Variants in CHL1 observed in about 807,000 individuals in gnomAD.
CHL1 encodes the protein neural cell adhesion molecule L1-like protein.
CHL1 carries 96 observed loss-of-function variants against 141.9 expected under a neutral mutation model. The observed-to-expected ratio is 0.68, with a 90% CI of 0.57 to 0.80. The LOEUF (loss-of-function observed/expected upper bound fraction) is 0.80. CHL1 is among the 30% of genes least tolerant of loss of function. The probability of loss-of-function intolerance (pLI) is 0.00; values close to 1 mark genes in which losing one functional copy is unlikely to be tolerated. For missense variants in CHL1, 1,820 were observed against 1,457.2 expected (o/e 1.25, Z -4.05); for synonymous variants, 613 against 502.2 (o/e 1.22, Z -2.95).
Position 203,530 on chromosome 3 carries a change from G to A in CHL1, c.-175+6467G>A, listed in dbSNP as rs896038636. ...GAGGTAATTAAGGGACCTTAAAGAC[G>A]GGCCCACATCTCTTTGGATGGGATT... On this transcript the variant is annotated intron_variant, in intron 1 of 27. Coordinates refer to ENST00000256509, the MANE Select transcript of CHL1 (RefSeq NM_006614.4). Among the ~76,000 whole-genome samples, 7 of 152,176 alleles carry A rather than the reference G, an allele frequency of 4.6e-5. No individual in the cohort carries two copies. The East Asian group carries it at 7.7e-4, about 17-fold the overall frequency.
At chr3:229,370 G>A (rs549740638) in intron 1 of CHL1, among the ~76,000 whole-genome samples, 12 of 152,204 alleles carry the variant, frequency 7.9e-5, no homozygotes, top group South Asian at 4.2e-4. Context: ...CCATGCCCCC[G>A]TTGATAAGTT....
Position 406,401 on chromosome 3 carries a change from T to G in CHL1, c.*690T>G, listed in dbSNP as rs375706605. 1.2e-3 allele frequency: 1 copy of G among 834 alleles called. No homozygotes were observed. The highest frequency in any genetic ancestry group is 1.3e-3 in the African/African-American group (1 of 792). The allele number at this position is 834 out of a possible 1,614,324, so 0.1% of individuals were successfully genotyped here. ...CCACAAGCATCACTTTTTGTGTCTGTTTTTTTTTTTTTTCTTGGACTAAAT... is the reference window on the plus strand; with the variant it reads ...CCACAAGCATCACTTTTTGTGTCTGGTTTTTTTTTTTTTCTTGGACTAAAT... On this transcript the variant is annotated 3_prime_UTR_variant, in exon 28 of 28. Transcript: ENST00000256509.
intron 1 of CHL1, among the ~76,000 whole-genome samples, chr3:203,172 C>A (rs1699105935): frequency 6.6e-6 from 1 of 152,212 alleles, no homozygotes; most frequent in African/African-American, 2.4e-5. Flanking sequence ...TAAGAAGAGG[C>A]ACCATAGTCT....
intron 2 of CHL1, among the ~76,000 whole-genome samples, chr3:295,765 G>A (rs985597279): frequency 1.1e-4 from 16 of 152,260 alleles, no homozygotes; most frequent in African/African-American, 3.4e-4. Context: ...AATGGCTGTG[G>A]CTTTTCTTTT....
rs567178932 is a variant in CHL1 at position 387,800 on chromosome 3, CA to C, written c.2248-1450del. Reference sequence around the variant, plus strand: ...ACTTTCCAATGAATCCAAGTATTAACAAGGTCTGCAGAAAATCTCAGAAAGT... The same window carrying C: ...ACTTTCCAATGAATCCAAGTATTAACAGGTCTGCAGAAAATCTCAGAAAGT... On this transcript the variant is annotated intron_variant, in intron 19 of 27. Transcript: ENST00000256509. 2.6e-5 allele frequency among the ~76,000 whole-genome samples: 4 copies of C among 152,284 alleles called. No homozygotes were observed. The South Asian group carries it at 8.3e-4, about 32-fold the overall frequency.
At chr3:239,097 T>G (rs1177812109) in intron 1 of CHL1, among the ~76,000 whole-genome samples, 1 of 152,068 alleles carries the variant, frequency 6.6e-6, no homozygotes, top group Non-Finnish European at 1.5e-5. Context: ...GAGTGGGGAC[T>G]GTCAAGTAGG....
chr3:265,535 T>C (rs989139705), intron 2 of CHL1, among the ~76,000 whole-genome samples: 6 of 152,202 alleles, frequency 3.9e-5, no homozygotes, highest in Non-Finnish European at 8.8e-5. Context: ...ATTTCTGAGC[T>C]GAAATTCCAA....
chr3:328,834 G>T (rs73817621), intron 5 of CHL1, among the ~76,000 whole-genome samples: 3,248 of 152,136 alleles, frequency 0.021, 111 homozygotes, highest in African/African-American at 0.075. Context: ...AAGAGTCTGG[G>T]ACGAAACATG....
chr3:264,832 G>A (rs1695023736), intron 2 of CHL1, among the ~76,000 whole-genome samples: 1 of 152,206 alleles, frequency 6.6e-6, no homozygotes, highest in South Asian at 2.1e-4. Flanking sequence ...TAGTGAATTA[G>A]ACATCTACAA....
rs376222003 is a variant in CHL1 at position 242,561 on chromosome 3, A to C, written c.-174-2052A>C. Among the ~76,000 whole-genome samples the C allele has an allele frequency of 3.2e-3, 483 of 152,100 alleles. 2 individuals are homozygous for C. Among genetic ancestry groups the C allele is most frequent in the African/African-American group, 8.2e-3 (342 of 41,482 alleles). On this transcript the variant is annotated intron_variant, in intron 1 of 27. Coordinates refer to ENST00000256509, the MANE Select transcript of CHL1 (RefSeq NM_006614.4). ...CAGTGAGCCGAGATTGTGCCACTGC[A>C]CTCCAGCCTGGGTAACAGAGTGGGA... is the stretch of plus-strand genomic sequence containing the variant.
rs1708257114 is a variant in CHL1, at chr3:391,877, C to T, written c.2914+80C>T. 3.6e-6 allele frequency: 4 copies of T among 1,118,308 alleles called. No individual in the cohort carries two copies. In the South Asian group the frequency reaches 4.7e-5, roughly 13 times the overall value. 69.3% of individuals were successfully genotyped at this position (1,118,308 alleles called of 1,614,324 possible). On this transcript the variant is annotated intron_variant, in intron 23 of 27. Transcript: ENST00000256509. ...ATATTCTCTGTGCTATGTTGGGAGT[C>T]TAATGATCACTTAAGGCCATGGTTT... is the stretch of plus-strand genomic sequence containing the variant.
chr3:213,585 A>T (rs1303443945), intron 1 of CHL1: 1 of 152,192 alleles, frequency 6.6e-6, no homozygotes, highest in African/African-American at 2.4e-5. Flanking sequence ...CCTCCAATCT[A>T]ATTAAAGAAC....
intron 3 of CHL1, among the ~76,000 whole-genome samples, chr3:323,134 T>G (rs1700729442): frequency 1.3e-5 from 2 of 152,058 alleles, no homozygotes; most frequent in African/African-American, 4.8e-5. Context: ...ACTGACAAAT[T>G]ATGGTTGTTC....
In CHL1 at chr3:208,516, G is replaced by A. The variant is rs1354816951; in HGVS notation, c.-175+11453G>A. ...CTATATCCTCAGTGGGAGACTAGTT[G>A]AGCTACACTTTTGTTTCTGTGCCTT... On this transcript the variant is annotated intron_variant, in intron 1 of 27. Coordinates refer to ENST00000256509, the MANE Select transcript of CHL1 (RefSeq NM_006614.4). Among the ~76,000 whole-genome samples the A allele has an allele frequency of 4.1e-5, 6 of 147,754 alleles. 1 individual carries two copies. Among genetic ancestry groups the A allele is most frequent in the African/African-American group, 1.6e-4 (6 of 37,278 alleles).
In CHL1 at chr3:401,645, G is replaced by T. The variant is rs779924533; in HGVS notation, c.3405G>T (p.Leu1135Phe). 3 of 1,594,406 alleles carry T rather than the reference G, an allele frequency of 1.9e-6. No homozygotes were observed. Among genetic ancestry groups the T allele is most frequent in the Middle Eastern group, 1.7e-4 (1 of 6,016 alleles). The change falls in exon 27 of 28, where the codon TTG becomes TTT. Residue 1135 changes from leucine to phenylalanine, a missense_variant. By Grantham distance (22) the Leu-to-Phe change is conservative. Coordinates refer to ENST00000256509, the MANE Select transcript of CHL1 (RefSeq NM_006614.4). ...GKYSVKEKED[L>F]HPDPEIQSVK... ...TTTTAGTTAAAGAAAAGGAAGATTT[G>T]CATCCAGACCCAGAAATTCAGTCAG... is the stretch of plus-strand genomic sequence containing the variant.
intron 23 of CHL1, 96 bp downstream of exon 23, chr3:391,893 G>T: frequency 1.0e-6 from 1 of 1,003,528 alleles, no homozygotes; most frequent in Non-Finnish European, 1.4e-6. Context: ...ATCACTTAAG[G>T]CCATGGTTTG....
intron 1 of CHL1, among the ~76,000 whole-genome samples, chr3:241,493 G>C (rs465963): frequency 0.1 from 15,150 of 152,102 alleles, 1,062 homozygotes; most frequent in East Asian, 0.37. Context: ...CCATGGGTAG[G>C]TTGTTTGCTG....
At chr3:326,119 G>C in intron 4 of CHL1, 55 bp downstream of exon 4, 6 of 1,026,452 alleles carry the variant, frequency 5.8e-6, no homozygotes, top group Middle Eastern at 2.1e-4. Context: ...TCTTTATGCT[G>C]CTCTTTACTC....
At chr3:263,796 T>C (rs951826824) in intron 2 of CHL1, among the ~76,000 whole-genome samples, 1 of 152,242 alleles carries the variant, frequency 6.6e-6, no homozygotes, top group Admixed American at 6.5e-5. Context: ...TAGGGAATGT[T>C]GAAAGAATGA....
Sources: allele counts gnomAD v4.1 joint callset (sites outside exome capture counted in the v4.1 genomes callset), GRCh38; gene constraint gnomAD v4.1.1; transcripts MANE v1.5; gene names NCBI Gene and HGNC (gene_info 2026-07-23, HGNC 2026-07-21).